The following LPP variants were observed in gnomAD, a reference collection of about 807,000 sequenced individuals.
The protein encoded by LPP is LIM domain containing preferred translocation partner in lipoma.
A neutral mutation model predicts 60.4 loss-of-function variants in LPP; 38 were observed. The observed-to-expected ratio is 0.63, with a 90% CI of 0.49 to 0.83. The LOEUF (loss-of-function observed/expected upper bound fraction) is 0.83, where lower values mean the gene tolerates loss of function less well. Ranked by LOEUF, LPP falls within the 40% of genes least tolerant of loss-of-function variation. The probability of loss-of-function intolerance (pLI) is 0.00; values close to 1 mark genes in which losing one functional copy is unlikely to be tolerated. For missense variants in LPP, 902 were observed against 783.6 expected (o/e 1.15, Z -1.80); for synonymous variants, 328 against 290.8 (o/e 1.13, Z -1.30).
In LPP at chr3:188,888,498, C is replaced by T. The variant is rs929443357; in HGVS notation, c.*14019C>T. ...TCTGAATATAGCCATTTGCCGACTC[C>T]GGCCTCTTTGCGAGACTGACTCAAA... is the stretch of plus-strand genomic sequence containing the variant. On this transcript the variant is annotated 3_prime_UTR_variant, in exon 12 of 12. Coordinates refer to ENST00000617246, the MANE Select transcript of LPP (RefSeq NM_001375462.1). The T allele has an allele frequency of 8.8e-6, 2 of 227,820 alleles. No homozygotes were observed. Among genetic ancestry groups the T allele is most frequent in the African/African-American group, 2.2e-5 (1 of 45,038 alleles). The allele number at this position is 227,820 out of a possible 1,614,324, so 14.1% of individuals were successfully genotyped here. A position where few individuals can be genotyped will look rare whatever the true frequency, so the allele number is the denominator to read the frequency against.
intron 7 of LPP, among the ~76,000 whole-genome samples, chr3:188,654,910 C>G (rs1852837727): frequency 6.6e-6 from 1 of 152,078 alleles, no homozygotes; most frequent in African/African-American, 2.4e-5. Context: ...ATACTAATAC[C>G]AATGGAATAT....
In LPP at chr3:188,500,409, G is replaced by A. The variant is rs541933794; in HGVS notation, c.306+15705G>A. Among the ~76,000 whole-genome samples, 16 of 151,856 alleles carry A rather than the reference G, an allele frequency of 1.1e-4. No homozygotes were observed. The East Asian group carries it at 1.7e-3, about 17-fold the overall frequency. ...ACCTTGATTTGTTTGTTGAGTATCC[G>A]TTCGTTACAATAATAAATTTCACTT... On this transcript the variant is annotated intron_variant, in intron 5 of 11. Coordinates refer to ENST00000617246, the MANE Select transcript of LPP (RefSeq NM_001375462.1).
At chr3:188,830,021 AAG>A (rs1756716768) in intron 9 of LPP, among the ~76,000 whole-genome samples, 1 of 151,644 alleles carries the variant, frequency 6.6e-6, no homozygotes, top group South Asian at 2.1e-4. Flanking sequence ...AAAAAAAAAA[AAG>A]ATATATTAAG....
rs61033243 is a variant in LPP at position 188,522,784 on chromosome 3, AATATATATATATAT to A, written c.307-1862_307-1849del. The stretch of plus-strand genomic sequence containing the variant: ...TGTTTTAGATAATGTGATAATATGA[AATATATATATATAT>A]ATATATATATATATATATGTGTATG... On this transcript the variant is annotated intron_variant, in intron 5 of 11. Coordinates refer to ENST00000617246, the MANE Select transcript of LPP (RefSeq NM_001375462.1). 5.0e-4 allele frequency among the ~76,000 whole-genome samples: 63 copies of A among 125,308 alleles called. 1 individual carries two copies. The highest frequency in any genetic ancestry group is 8.1e-3 in the Middle Eastern group (2 of 246). The allele number at this position is 125,308 out of a possible 152,430, so 82.2% of individuals were successfully genotyped here.
chr3:188,211,678 C>CA (rs1212731850), intron 1 of LPP, among the ~76,000 whole-genome samples: 4 of 152,146 alleles, frequency 2.6e-5, no homozygotes, highest in Non-Finnish European at 4.4e-5. Flanking sequence ...CTTTTCCTGA[C>CA]AACAGTGTTC....
chr3:188,285,931 C>T (rs950698927), intron 2 of LPP, among the ~76,000 whole-genome samples: 2 of 152,188 alleles, frequency 1.3e-5, no homozygotes, highest in African/African-American at 2.4e-5. Flanking sequence ...TGGGAAGACC[C>T]TTTGTAAGCT....
chr3:188,325,004 G>T (rs1333257065), intron 2 of LPP, among the ~76,000 whole-genome samples: 1 of 151,746 alleles, frequency 6.6e-6, no homozygotes, highest in African/African-American at 2.4e-5. Flanking sequence ...TTTTGAGATG[G>T]AGTCTCGCTC....
intron 2 of LPP, among the ~76,000 whole-genome samples, chr3:188,296,075 C>A (rs1259370252): frequency 6.6e-6 from 1 of 152,078 alleles, no homozygotes; most frequent in Non-Finnish European, 1.5e-5. Context: ...ATGACTGTAC[C>A]TATTTCCTAG....
chr3:188,514,598 C>T (rs1405764913), intron 5 of LPP, among the ~76,000 whole-genome samples: 4 of 152,018 alleles, frequency 2.6e-5, no homozygotes, highest in African/African-American at 7.2e-5. Flanking sequence ...CCCACCACCA[C>T]GCCCAGCTAA....
At chr3:188,480,668 A>G (rs1276026877) in intron 4 of LPP, among the ~76,000 whole-genome samples, 1 of 152,192 alleles carries the variant, frequency 6.6e-6, no homozygotes, top group Non-Finnish European at 1.5e-5. Flanking sequence ...GCTTGCCTGT[A>G]CGTCTCAGAG....
At chr3:188,855,742 C>T (rs1377631276) in intron 9 of LPP, among the ~76,000 whole-genome samples, 3 of 152,174 alleles carry the variant, frequency 2.0e-5, no homozygotes, top group Non-Finnish European at 4.4e-5. Flanking sequence ...CAAATCACTC[C>T]ATTTCAAGGG....
At chr3:188,484,755 T>G (rs1805834675) in intron 5 of LPP, 51 bp downstream of exon 5, 1 of 1,363,468 alleles carries the variant, frequency 7.3e-7, no homozygotes, top group Non-Finnish European at 1.0e-6. Context: ...GTTAAAGTCA[T>G]GTTTATAAGC....
rs1271561691 is a variant in LPP at position 188,878,345 on chromosome 3, A to G, written c.*3866A>G. 6 of 219,852 alleles carry G rather than the reference A, an allele frequency of 2.7e-5. No individual in the cohort carries two copies. The highest frequency in any genetic ancestry group is 1.3e-4 in the African/African-American group (6 of 44,584). The allele number at this position is 219,852 out of a possible 1,614,324, so 13.6% of individuals were successfully genotyped here. ...TGATGTAACCTCAAAGCCTCTCACC[A>G]TTCCTCTTGGCTTGGAAAGGCTTTA... On this transcript the variant is annotated 3_prime_UTR_variant, in exon 12 of 12. Transcript: ENST00000617246.
At position 188,511,288 on chromosome 3, in the gene LPP, C is replaced by A. The variant is rs1331488792; in HGVS notation, c.307-13377C>A. On this transcript the variant is annotated intron_variant, in intron 5 of 11. Transcript: ENST00000617246. ...TCCTTCCTTTCCCTCCCTTCCCTCC[C>A]TTCCTTCCCTCCCTGCCTTCCTCCC... is the stretch of plus-strand genomic sequence containing the variant. 2.4e-5 allele frequency among the ~76,000 whole-genome samples: 3 copies of A among 124,392 alleles called. No homozygotes were observed. The South Asian group carries it at 9.4e-4, about 39-fold the overall frequency. 81.6% of individuals were successfully genotyped at this position (124,392 alleles called of 152,430 possible). A position where few individuals can be genotyped will look rare whatever the true frequency, so the allele number is the denominator to read the frequency against.
intron 7 of LPP, among the ~76,000 whole-genome samples, chr3:188,686,317 A>G (rs907908541): frequency 6.6e-6 from 1 of 152,168 alleles, no homozygotes; most frequent in African/African-American, 2.4e-5. Flanking sequence ...AGGCAATGGC[A>G]ATAAAGAGAG....
At chr3:188,625,326 T>G (rs981918328) in intron 7 of LPP, among the ~76,000 whole-genome samples, 1 of 152,202 alleles carries the variant, frequency 6.6e-6, no homozygotes, top group Non-Finnish European at 1.5e-5. Context: ...TAATTAGGAC[T>G]TTAACAAAAA....
upstream of LPP, chr3:188,153,537 A>C (rs1437910928): frequency 1.3e-5 from 2 of 152,150 alleles, no homozygotes; most frequent in African/African-American, 2.4e-5. Context: ...GCTTCCTCCT[A>C]CGTCTCCTTC....
chr3:188,448,471 TTTAGATATCTTTATCTAAA>T (rs1795837702), intron 4 of LPP, among the ~76,000 whole-genome samples: 1 of 152,030 alleles, frequency 6.6e-6, no homozygotes, highest in African/African-American at 2.4e-5. Context: ...AAGATCTATA[TTTAGATATCTTTATCTAAA>T]TATCTATCTA....
chr3:188,733,727 C>G (rs1399533212), intron 8 of LPP, among the ~76,000 whole-genome samples: 1 of 152,050 alleles, frequency 6.6e-6, no homozygotes, highest in Non-Finnish European at 1.5e-5. Context: ...ATATTAACAA[C>G]GTTTTCAGGT....
Sources: allele counts gnomAD v4.1 joint callset (sites outside exome capture counted in the v4.1 genomes callset), GRCh38; gene constraint gnomAD v4.1.1; transcripts MANE v1.5; gene names NCBI Gene and HGNC (gene_info 2026-07-23, HGNC 2026-07-21).